The following NCALD variants were observed in gnomAD, a reference collection of about 807,000 sequenced individuals.
NCALD encodes neurocalcin delta.
NCALD carries 10 observed loss-of-function variants against 18.6 expected under a neutral mutation model. The observed-to-expected ratio is 0.54, with a 90% CI of 0.33 to 0.91. The LOEUF (loss-of-function observed/expected upper bound fraction) is 0.91. NCALD is among the 40% of genes least tolerant of loss of function. NCALD has a pLI of 0.03. For synonymous variants in NCALD, 88 were observed against 87.4 expected (o/e 1.01, Z -0.04); for missense variants, 184 against 247.6 (o/e 0.74, Z 1.72).
chr8:101,905,899 T>C (rs1448469333), intron 3 of NCALD, among the ~76,000 whole-genome samples: 1 of 152,242 alleles, frequency 6.6e-6, no homozygotes, highest in Non-Finnish European at 1.5e-5. Flanking sequence ...TTCATACAGT[T>C]TCTGCATAAA....
chr8:101,794,901 T>G (rs181114182), upstream of NCALD, among the ~76,000 whole-genome samples: 65 of 152,344 alleles, frequency 4.3e-4, 2 homozygotes, highest in Admixed American at 4.2e-3. Context: ...TTGTTTTTAT[T>G]TTTAAATTTT....
Position 101,690,659 on chromosome 8 carries a change from CCA to C in NCALD, c.485-1255_485-1254del, listed in dbSNP as rs574962281. 487 of 985,438 alleles carry C rather than the reference CCA, an allele frequency of 4.9e-4. 4 individuals are homozygous for C. The South Asian group carries it at 0.016, about 33-fold the overall frequency. The allele number at this position is 985,438 out of a possible 1,614,324, so 61.0% of individuals were successfully genotyped here. A position where few individuals can be genotyped will look rare whatever the true frequency, so the allele number is the denominator to read the frequency against. ...GAACCTAGTTCTTGTTTAATGAAAC[CCA>C]CTTTATCTCCATGAAGGAAAAAGAT... On this transcript the variant is annotated intron_variant, in intron 3 of 3. Coordinates refer to ENST00000220931, the MANE Select transcript of NCALD (RefSeq NM_032041.3).
At chr8:102,021,722 C>A (rs1026324485) in intron 1 of NCALD, among the ~76,000 whole-genome samples, 1 of 152,186 alleles carries the variant, frequency 6.6e-6, no homozygotes, top group Non-Finnish European at 1.5e-5. Flanking sequence ...TTCTCCCTAA[C>A]TACTTTTTTG....
Position 101,802,116 on chromosome 8 carries a change from A to C in NCALD, c.-19-82468T>G, listed in dbSNP as rs560255872. On this transcript the variant is annotated intron_variant, in intron 4 of 6. Transcript: ENST00000311028. ...AGCTCAAATCATGTCTCTGTGTCAC[A>C]TCTGGGTAATTCTTGCAATGTTTTT... is the stretch of plus-strand genomic sequence containing the variant. 2.0e-5 allele frequency among the ~76,000 whole-genome samples: 3 copies of C among 152,232 alleles called. No individual in the cohort carries two copies. In the South Asian group the frequency reaches 6.2e-4, roughly 32 times the overall value.
intron 2 of NCALD, among the ~76,000 whole-genome samples, chr8:101,995,869 A>G (rs1247351054): frequency 6.6e-6 from 1 of 152,230 alleles, no homozygotes; most frequent in Non-Finnish European, 1.5e-5. Flanking sequence ...TTCCTGGTTT[A>G]TGAATTCCGA....
intron 4 of NCALD, chr8:101,872,603 A>C (rs1816065868): frequency 1.9e-6 from 1 of 518,138 alleles, no homozygotes; most frequent in Non-Finnish European, 3.5e-6. Flanking sequence ...TTTTCTAAAA[A>C]CATGTTTACA....
intron 1 of NCALD, among the ~76,000 whole-genome samples, chr8:101,776,570 A>C (rs1204942098): frequency 6.6e-6 from 1 of 152,112 alleles, no homozygotes; most frequent in East Asian, 1.9e-4. Flanking sequence ...AAGTTCTACC[A>C]AACATCACAA....
At chr8:101,848,535 T>C (rs1814962701) in intron 4 of NCALD, among the ~76,000 whole-genome samples, 1 of 152,162 alleles carries the variant, frequency 6.6e-6, no homozygotes, top group African/African-American at 2.4e-5. Flanking sequence ...GGAAATTATA[T>C]TTACAAAAGA....
At chr8:101,852,428 T>C (rs532512) in intron 4 of NCALD, 58,873 of 152,158 alleles carry the variant, frequency 0.39, 14,793 homozygotes, top group African/African-American at 0.71. Context: ...GTGTCTGTCC[T>C]GCAACCCAGC....
intron 1 of NCALD, among the ~76,000 whole-genome samples, chr8:102,071,853 T>C (rs547309528): frequency 6.6e-6 from 1 of 152,242 alleles, no homozygotes; most frequent in South Asian, 2.1e-4. Context: ...CCTACATAAA[T>C]GGCAAGATAT....
intron 1 of NCALD, among the ~76,000 whole-genome samples, chr8:101,784,572 G>A (rs1443911630): frequency 1.3e-5 from 2 of 152,064 alleles, no homozygotes; most frequent in African/African-American, 4.8e-5. Context: ...CAAGGTGGGA[G>A]GATCTCTTGA....
intron 4 of NCALD, among the ~76,000 whole-genome samples, chr8:101,800,397 C>T (rs2131072059): frequency 6.6e-6 from 1 of 151,942 alleles, no homozygotes; most frequent in South Asian, 2.1e-4. Flanking sequence ...AAAGAACATA[C>T]TGCTAATAAG....
At chr8:101,740,983 T>G (rs941642974) in intron 1 of NCALD, among the ~76,000 whole-genome samples, 2 of 152,216 alleles carry the variant, frequency 1.3e-5, no homozygotes, top group Admixed American at 1.3e-4. Flanking sequence ...AACAAACAAC[T>G]CTGTAGAATC....
At chr8:101,980,263 C>T (rs1820569011) in intron 2 of NCALD, among the ~76,000 whole-genome samples, 1 of 152,146 alleles carries the variant, frequency 6.6e-6, no homozygotes, top group South Asian at 2.1e-4. Context: ...GTGGGGCGCA[C>T]ATTAGATGCT....
chr8:101,834,942 C>T (rs1814347229), intron 4 of NCALD, among the ~76,000 whole-genome samples: 1 of 152,216 alleles, frequency 6.6e-6, no homozygotes, highest in African/African-American at 2.4e-5. Flanking sequence ...AGTTCTGGAC[C>T]TGCCTCTGCA....
chr8:102,046,528 A>G (rs1253982832), intron 1 of NCALD, among the ~76,000 whole-genome samples: 4 of 152,020 alleles, frequency 2.6e-5, no homozygotes, highest in Non-Finnish European at 5.9e-5. Flanking sequence ...TTTTTTAGAC[A>G]TGGTCTCACT....
At chr8:102,098,435 G>A (rs1175102882) in intron 1 of NCALD, among the ~76,000 whole-genome samples, 2 of 152,018 alleles carry the variant, frequency 1.3e-5, no homozygotes, top group Non-Finnish European at 2.9e-5. Context: ...CTTCCTCCCC[G>A]GCCTCTTCTG....
chr8:101,987,442 G>T lies in NCALD; in HGVS notation c.-157+32795C>A, dbSNP rs115964541. Among the ~76,000 whole-genome samples, 1,062 of 152,250 alleles carry T rather than the reference G, an allele frequency of 7.0e-3. 12 individuals carry two copies. Among genetic ancestry groups the T allele is most frequent in the African/African-American group, 0.021 (868 of 41,510 alleles). The stretch of plus-strand genomic sequence containing the variant: ...CAACCATTTTTTCCGAAGGAGAAGG[G>T]ATATCTGATTTGAGCACTGCATCGT... On this transcript the variant is annotated intron_variant, in intron 2 of 6. Coordinates refer to the NCALD transcript ENST00000311028.
intron 1 of NCALD, among the ~76,000 whole-genome samples, chr8:102,058,343 C>G (rs1823725554): frequency 6.6e-6 from 1 of 152,124 alleles, no homozygotes; most frequent in Non-Finnish European, 1.5e-5. Context: ...CAGTGGCTTA[C>G]CCAATAAATT....
Sources: gnomAD v4.1 joint callset for allele counts (sites outside exome capture counted in the v4.1 genomes callset) on GRCh38, gnomAD v4.1.1 for gene constraint, MANE v1.5 for transcripts, NCBI Gene and HGNC (gene_info 2026-07-23, HGNC 2026-07-21) for gene names.